GRIA4: variants seen among roughly 807,000 people sequenced by gnomAD.
GRIA4 encodes glutamate receptor 4.
In GRIA4, 34 loss-of-function variants were observed where a neutral mutation model predicts 104.0. The observed-to-expected ratio is 0.33, with a 90% CI of 0.25 to 0.44. The LOEUF (loss-of-function observed/expected upper bound fraction) is 0.44. Ranked by LOEUF, GRIA4 falls within the 20% of genes least tolerant of loss-of-function variation. The pLI is 1.00. For synonymous variants in GRIA4, 386 were observed against 381.9 expected, an observed-to-expected ratio of 1.01 and a Z score of -0.13; for missense variants, 750 against 1,096.5, an observed-to-expected ratio of 0.68 and a Z score of 4.46.
At chr11:105,896,577 C>A (rs1399233944) in intron 6 of GRIA4, among the ~76,000 whole-genome samples, 4 of 151,950 alleles carry the variant, frequency 2.6e-5, no homozygotes, top group Non-Finnish European at 5.9e-5. Flanking sequence ...AGTCTTTAAT[C>A]TATCTTAATT....
chr11:105,904,681 G>A (rs574334950), intron 8 of GRIA4, among the ~76,000 whole-genome samples: 6 of 152,204 alleles, frequency 3.9e-5, no homozygotes, highest in Admixed American at 3.9e-4. Flanking sequence ...GTTCTGAAAT[G>A]TCACAGGTTC....
chr11:105,692,258 A>T (rs199858414), intron 3 of GRIA4, among the ~76,000 whole-genome samples: 8,706 of 143,684 alleles, frequency 0.061, 478 homozygotes, highest in African/African-American at 0.15. Flanking sequence ...TTTTTTTTAA[A>T]AAAAAAAAGA....
Position 105,957,348 on chromosome 11 carries a change from G to A in GRIA4, c.2295-14566G>A, listed in dbSNP as rs540291137. 5.7e-3 allele frequency among the ~76,000 whole-genome samples: 862 copies of A among 151,678 alleles called. 11 individuals carry two copies. Among genetic ancestry groups the A allele is most frequent in the African/African-American group, 0.02 (820 of 41,464 alleles). ...ACATATGGCTAGCCAGTTTTCCCAG[G>A]ACCATTTATTAAATAGGGAATCCTT... On this transcript the variant is annotated intron_variant, in intron 14 of 16. Coordinates refer to ENST00000282499, the MANE Select transcript of GRIA4 (RefSeq NM_000829.4).
chr11:105,624,551 G>A (rs115999046), intron 3 of GRIA4, among the ~76,000 whole-genome samples: 2 of 152,158 alleles, frequency 1.3e-5, no homozygotes, highest in Admixed American at 6.6e-5. Flanking sequence ...TGAGCAATTT[G>A]TTAGTTTCCA....
At chr11:105,918,687 TACA>T (rs770028100) in intron 10 of GRIA4, 22 bp from the exon 11 acceptor site, 1 of 1,093,538 alleles carries the variant, frequency 9.1e-7, no homozygotes, top group Non-Finnish European at 1.4e-6. Context: ...ATTTCTCCTT[TACA>T]GTTCTACTTC....
intron 14 of GRIA4, among the ~76,000 whole-genome samples, chr11:105,957,977 G>A (rs1048701358): frequency 2.6e-5 from 4 of 152,176 alleles, no homozygotes; most frequent in African/African-American, 9.7e-5. Flanking sequence ...CTGAGACTTT[G>A]CTGAAGTTGC....
intron 8 of GRIA4, among the ~76,000 whole-genome samples, chr11:105,904,726 G>T (rs1367768768): frequency 2.0e-5 from 3 of 151,894 alleles, no homozygotes; most frequent in Non-Finnish European, 4.4e-5. Flanking sequence ...AAGGAAATTT[G>T]GAATAAAATA....
chr11:105,703,894 T>C (rs1953596058), intron 3 of GRIA4, among the ~76,000 whole-genome samples: 1 of 151,996 alleles, frequency 6.6e-6, no homozygotes, highest in South Asian at 2.1e-4. Context: ...GTGCTGGAAA[T>C]GAGTTTCTTT....
At chr11:105,876,118 T>C (rs569077226) in intron 5 of GRIA4, among the ~76,000 whole-genome samples, 329 of 152,330 alleles carry the variant, frequency 2.2e-3, no homozygotes, top group Non-Finnish European at 3.1e-3. Flanking sequence ...ATTGTGTCTT[T>C]GTTCTCACTG....
chr11:105,638,971 A>G (rs953795991), intron 3 of GRIA4, among the ~76,000 whole-genome samples: 1 of 152,120 alleles, frequency 6.6e-6, no homozygotes, highest in Non-Finnish European at 1.5e-5. Flanking sequence ...CACACGTAGG[A>G]GACAATCAGC....
chr11:105,936,048 G>A (rs1021363532), intron 14 of GRIA4, among the ~76,000 whole-genome samples: 2 of 152,082 alleles, frequency 1.3e-5, no homozygotes, highest in African/African-American at 2.4e-5. Flanking sequence ...TGCCAAAACC[G>A]CAGTCATTTT....
intron 2 of GRIA4, 69 bp downstream of exon 2, chr11:105,611,154 G>T: frequency 9.2e-7 from 1 of 1,087,774 alleles, no homozygotes; most frequent in Non-Finnish European, 1.4e-6. Flanking sequence ...AGTTAAATGA[G>T]TTGCTGATAA....
At chr11:105,663,568 G>A (rs1057410066) in intron 3 of GRIA4, among the ~76,000 whole-genome samples, 1 of 151,868 alleles carries the variant, frequency 6.6e-6, no homozygotes. Flanking sequence ...AAGGGAATAG[G>A]GAAAGGCTTT....
rs1160908564 is a variant in GRIA4, at chr11:105,794,449, GTGTC to G, written c.487+41233_487+41236del. On this transcript the variant is annotated intron_variant, in intron 4 of 16. Transcript: ENST00000282499. ...TGTGCCGGGGTGTGTGTGTGTGTGT[GTGTC>G]TGTGTGTGTGTATATGTATGTATAT... 2.9e-4 allele frequency among the ~76,000 whole-genome samples: 35 copies of G among 120,600 alleles called. 1 individual carries two copies. Among genetic ancestry groups the G allele is most frequent in the African/African-American group, 1.2e-3 (35 of 30,376 alleles). 79.1% of individuals were successfully genotyped at this position (120,600 alleles called of 152,430 possible).
intron 5 of GRIA4, among the ~76,000 whole-genome samples, chr11:105,876,841 C>T (rs763201409): frequency 3.2e-4 from 48 of 152,160 alleles, no homozygotes; most frequent in Non-Finnish European, 5.7e-4. Context: ...GAATACAGCA[C>T]ACCGATGGGT....
intron 5 of GRIA4, chr11:105,862,747 GT>G (rs1945274090): frequency 6.6e-6 from 1 of 152,170 alleles, no homozygotes; most frequent in East Asian, 1.9e-4. Flanking sequence ...AGTGGAGATG[GT>G]TTTCAACTCT....
chr11:105,851,226 C>G lies in GRIA4; in HGVS notation c.488-10798C>G, dbSNP rs555812464. Among the ~76,000 whole-genome samples, 138 of 152,206 alleles carry G rather than the reference C, an allele frequency of 9.1e-4. 2 individuals carry two copies. The Middle Eastern group carries it at 0.01, about 11-fold the overall frequency. On this transcript the variant is annotated intron_variant, in intron 4 of 16. Coordinates refer to ENST00000282499, the MANE Select transcript of GRIA4 (RefSeq NM_000829.4). The stretch of plus-strand genomic sequence containing the variant: ...AAAAGGGCAGAATTTTTACCCTTGT[C>G]ATTTAATTCAACCTAATTCCCTCTT...
At chr11:105,716,815 T>G (rs1235290378) in intron 3 of GRIA4, among the ~76,000 whole-genome samples, 1 of 152,128 alleles carries the variant, frequency 6.6e-6, no homozygotes, top group African/African-American at 2.4e-5. Context: ...AAAACTTCAC[T>G]CTCAGATGGA....
intron 14 of GRIA4, among the ~76,000 whole-genome samples, chr11:105,945,041 G>C (rs930781431): frequency 4.6e-5 from 7 of 152,174 alleles, no homozygotes; most frequent in African/African-American, 1.7e-4. Flanking sequence ...GGTGCTGCTT[G>C]TAGCACTATC....
Sources: gnomAD v4.1 joint callset for allele counts (sites outside exome capture counted in the v4.1 genomes callset) on GRCh38, gnomAD v4.1.1 for gene constraint, MANE v1.5 for transcripts, NCBI Gene and HGNC (gene_info 2026-07-23, HGNC 2026-07-21) for gene names.